SPAG16: variants seen among roughly 807,000 people sequenced by gnomAD.
SPAG16 encodes sperm-associated antigen 16 protein.
Under a neutral mutation model 80.4 loss-of-function variants are expected in SPAG16, and 86 were observed. That is an observed-to-expected ratio of 1.07 (90% confidence interval 0.90 to 1.28). The LOEUF is 1.28. SPAG16 is among the 50% of genes most tolerant of loss of function. The probability of loss-of-function intolerance (pLI) is 0.00; values close to 1 mark genes in which losing one functional copy is unlikely to be tolerated. For missense variants in SPAG16, 870 were observed against 765.3 expected (o/e 1.14, Z -1.61); for synonymous variants, 294 against 265.9 (o/e 1.11, Z -1.03).
chr2:214,342,857 C>T (rs1180436049), intron 15 of SPAG16, among the ~76,000 whole-genome samples: 1 of 152,098 alleles, frequency 6.6e-6, no homozygotes, highest in African/African-American at 2.4e-5. Context: ...TAAGCATATA[C>T]ACACTTTTCA....
At chr2:213,329,972 CTTCCATGTG>C (rs1340346604) in intron 5 of SPAG16, among the ~76,000 whole-genome samples, 2 of 152,240 alleles carry the variant, frequency 1.3e-5, no homozygotes, top group African/African-American at 2.4e-5. Context: ...GCCTTGGCAG[CTTCCATGTG>C]ATGTTGAGCC....
chr2:214,040,496 G>A (rs2888260), intron 13 of SPAG16, among the ~76,000 whole-genome samples: 59,140 of 151,794 alleles, frequency 0.39, 12,991 homozygotes, highest in Admixed American at 0.51. Context: ...GTGTCCATGT[G>A]TTCTCATCAT....
intron 7 of SPAG16, among the ~76,000 whole-genome samples, chr2:213,360,231 T>C (rs1376320548): frequency 6.6e-6 from 1 of 152,210 alleles, no homozygotes; most frequent in East Asian, 1.9e-4. Flanking sequence ...CAGCCACCAT[T>C]CTCAGGATAA....
At chr2:213,533,488 T>C (rs1022081845) in intron 10 of SPAG16, among the ~76,000 whole-genome samples, 13 of 152,218 alleles carry the variant, frequency 8.5e-5, no homozygotes, top group Non-Finnish European at 1.6e-4. Context: ...TCATCTGTTT[T>C]ATTATGGAGT....
chr2:214,225,622 A>G (rs992873821), intron 15 of SPAG16, among the ~76,000 whole-genome samples: 3 of 152,202 alleles, frequency 2.0e-5, no homozygotes, highest in Non-Finnish European at 4.4e-5. Context: ...ACTCTAAAAC[A>G]GTTAAGAAAA....
rs188540437 is a variant in SPAG16 at position 214,209,059 on chromosome 2, C to G, written c.1720+59793C>G. ...TTTTTCTGGCTGCTGCAATACCTAC[C>G]TGGGTCTTTATTTCTCCCAATGCTA... is the stretch of plus-strand genomic sequence containing the variant. On this transcript the variant is annotated intron_variant, in intron 15 of 15. Coordinates refer to ENST00000331683, the MANE Select transcript of SPAG16 (RefSeq NM_024532.5). Among the ~76,000 whole-genome samples, 32 of 152,090 alleles carry G rather than the reference C, an allele frequency of 2.1e-4. No individual in the cohort carries two copies. In the East Asian group the frequency reaches 5.4e-3, roughly 26 times the overall value.
chr2:214,140,841 G>A (rs1007353221), intron 14 of SPAG16, among the ~76,000 whole-genome samples: 2 of 145,504 alleles, frequency 1.4e-5, no homozygotes, highest in Non-Finnish European at 3.0e-5. Flanking sequence ...TGTTTTTAAT[G>A]TTTCTCTTGT....
intron 10 of SPAG16, among the ~76,000 whole-genome samples, chr2:213,817,085 T>A (rs963176820): frequency 6.6e-6 from 1 of 151,690 alleles, no homozygotes; most frequent in African/African-American, 2.4e-5. Context: ...TTTTTGTTTA[T>A]TTAATAGGTA....
intron 10 of SPAG16, among the ~76,000 whole-genome samples, chr2:213,798,747 T>G (rs2071199334): frequency 6.6e-6 from 1 of 152,224 alleles, no homozygotes; most frequent in Non-Finnish European, 1.5e-5. Context: ...TTTTATTTAA[T>G]TTTCCTGTAT....
At chr2:213,337,511 G>A (rs1006923280) in intron 5 of SPAG16, among the ~76,000 whole-genome samples, 1 of 152,146 alleles carries the variant, frequency 6.6e-6, no homozygotes, top group Non-Finnish European at 1.5e-5. Context: ...AACATAACTA[G>A]TATAGAGAGG....
At chr2:213,478,164 G>A (rs1449258851) in intron 9 of SPAG16, among the ~76,000 whole-genome samples, 1 of 152,176 alleles carries the variant, frequency 6.6e-6, no homozygotes, top group Non-Finnish European at 1.5e-5. Flanking sequence ...CTGGAGCTGA[G>A]TCAATTAAAG....
At chr2:213,709,439 A>G (rs906677027) in intron 10 of SPAG16, among the ~76,000 whole-genome samples, 7 of 152,206 alleles carry the variant, frequency 4.6e-5, no homozygotes, top group African/African-American at 1.4e-4. Flanking sequence ...ATTAGGAAAC[A>G]CTTATGGAAT....
intron 10 of SPAG16, among the ~76,000 whole-genome samples, chr2:213,615,214 C>T (rs1339685928): frequency 2.0e-4 from 30 of 152,152 alleles, no homozygotes; most frequent in Admixed American, 2.0e-3. Flanking sequence ...TGATAAAAAC[C>T]CACCTACAGG....
intron 15 of SPAG16, among the ~76,000 whole-genome samples, chr2:214,283,362 G>T (rs1025191712): frequency 6.6e-6 from 1 of 152,066 alleles, no homozygotes; most frequent in Admixed American, 6.6e-5. Flanking sequence ...AATACTTATA[G>T]GGTGTTAAAT....
chr2:214,111,490 A>G (rs1357551899), intron 14 of SPAG16, among the ~76,000 whole-genome samples: 1 of 152,056 alleles, frequency 6.6e-6, no homozygotes, highest in Non-Finnish European at 1.5e-5. Context: ...ATTGGTCTAT[A>G]TCTCTGTTTT....
chr2:213,439,335 G>A (rs1473552675), intron 9 of SPAG16, among the ~76,000 whole-genome samples: 4 of 152,154 alleles, frequency 2.6e-5, no homozygotes, highest in Non-Finnish European at 5.9e-5. Context: ...TTTTTAAGAA[G>A]TATGATAAAG....
At chr2:214,233,890 T>A (rs570109562) in intron 15 of SPAG16, among the ~76,000 whole-genome samples, 32 of 152,216 alleles carry the variant, frequency 2.1e-4, no homozygotes, top group Admixed American at 5.2e-4. Context: ...GTGGTTTTTT[T>A]AATTATTTTG....
At chr2:213,452,471 C>T (rs540430315) in intron 9 of SPAG16, among the ~76,000 whole-genome samples, 1 of 152,258 alleles carries the variant, frequency 6.6e-6, no homozygotes, top group Admixed American at 6.5e-5. Context: ...ATATTATATC[C>T]ATGCTTTGCC....
chr2:213,482,387 C>T (rs748781839), intron 9 of SPAG16, among the ~76,000 whole-genome samples: 1 of 152,068 alleles, frequency 6.6e-6, no homozygotes, highest in Non-Finnish European at 1.5e-5. Flanking sequence ...CTAAACATCC[C>T]GATGCTGAAT....
Sources: allele counts gnomAD v4.1 joint callset (sites outside exome capture counted in the v4.1 genomes callset), GRCh38; gene constraint gnomAD v4.1.1; transcripts MANE v1.5; gene names NCBI Gene and HGNC (gene_info 2026-07-23, HGNC 2026-07-21).